Variants in PRUNE2 observed in about 807,000 individuals in gnomAD.
The protein encoded by PRUNE2 is prune homolog 2 with BCH domain.
In PRUNE2, 164 loss-of-function variants were observed where a neutral mutation model predicts 252.0. The observed-to-expected ratio is 0.65, with a 90% CI of 0.57 to 0.74. The LOEUF (loss-of-function observed/expected upper bound fraction) is 0.74, where lower values mean the gene tolerates loss of function less well. Ranked by LOEUF, PRUNE2 falls within the 30% of genes least tolerant of loss-of-function variation. PRUNE2 has a pLI of 0.00. For synonymous variants in PRUNE2, 1,292 were observed against 1,350.2 expected, an observed-to-expected ratio of 0.96 and a Z score of 0.94; for missense variants, 3,495 against 3,711.0, an observed-to-expected ratio of 0.94 and a Z score of 1.51.
intron 1 of PRUNE2, among the ~76,000 whole-genome samples, chr9:76,895,073 GA>G (rs765058510): frequency 6.7e-6 from 1 of 149,964 alleles, no homozygotes; most frequent in Admixed American, 6.7e-5. Context: ...TTAAGAGGGA[GA>G]AAAAAAAAGC....
In PRUNE2 at chr9:76,704,838, G is replaced by A; in HGVS notation, c.7436C>T (p.Ser2479Phe). 9 of 1,595,078 alleles carry A rather than the reference G, an allele frequency of 5.6e-6. No homozygotes were observed. Among genetic ancestry groups the A allele is most frequent in the Non-Finnish European group, 7.7e-6 (9 of 1,169,532 alleles). ...TACTTCCCAGTCAACGTTTGATGGA[G>A]ACAAAATGTTGGAGCCTGCTCCTAC... ...LPVGAGSNIL[S>F]PSNVDWEVET... The change falls in exon 8 of 19, where the codon TCT (serine) becomes TTT (phenylalanine). Residue 2479 changes from serine to phenylalanine, a missense_variant. By Grantham distance (155) the Ser-to-Phe change is radical (BLOSUM62 -2). Coordinates refer to ENST00000376718, the MANE Select transcript of PRUNE2 (RefSeq NM_015225.3).
intron 1 of PRUNE2, among the ~76,000 whole-genome samples, chr9:76,880,193 G>A (rs1375062564): frequency 6.0e-5 from 9 of 149,038 alleles, no homozygotes; most frequent in Admixed American, 3.3e-4. Flanking sequence ...GATTACAGGC[G>A]TGAGCCACCA....
intron 2 of PRUNE2, among the ~76,000 whole-genome samples, chr9:76,851,033 T>C (rs1485855469): frequency 6.6e-6 from 1 of 152,114 alleles, no homozygotes; most frequent in Non-Finnish European, 1.5e-5. Context: ...GGGGCTAAAA[T>C]GTAAATAAAT....
intron 11 of PRUNE2, among the ~76,000 whole-genome samples, chr9:76,648,696 A>G (rs1845950175): frequency 6.6e-6 from 1 of 152,188 alleles, no homozygotes; most frequent in Admixed American, 6.5e-5. Context: ...ATTAAGGCAG[A>G]AAAACGATTC....
At chr9:76,848,934 A>G (rs1263131375) in intron 3 of PRUNE2, among the ~76,000 whole-genome samples, 3 of 152,146 alleles carry the variant, frequency 2.0e-5, no homozygotes, top group Non-Finnish European at 2.9e-5. Flanking sequence ...TCGCTCTGTC[A>G]TCTAGGCTGG....
At chr9:76,842,083 C>G (rs1371893885) in intron 4 of PRUNE2, among the ~76,000 whole-genome samples, 2 of 152,198 alleles carry the variant, frequency 1.3e-5, no homozygotes, top group Non-Finnish European at 2.9e-5. Flanking sequence ...CGCTACCTGA[C>G]TTCAAACTAT....
At chr9:76,644,307 C>T (rs140394559) in intron 12 of PRUNE2, among the ~76,000 whole-genome samples, 166 of 152,168 alleles carry the variant, frequency 1.1e-3, no homozygotes, top group African/African-American at 3.8e-3. Flanking sequence ...AAAAAAAAAT[C>T]CCCAAAGCTT....
chr9:76,759,819 G>C (rs558736519), intron 6 of PRUNE2: 1 of 152,540 alleles, frequency 6.6e-6, no homozygotes, highest in South Asian at 2.1e-4. Flanking sequence ...TGCCCACTGG[G>C]GCTTTGGGAG....
At chr9:76,715,081 T>TA (rs1368586875) in intron 6 of PRUNE2, among the ~76,000 whole-genome samples, 2 of 152,218 alleles carry the variant, frequency 1.3e-5, no homozygotes, top group Non-Finnish European at 2.9e-5. Flanking sequence ...GGTAAGATAC[T>TA]AAAACAACAC....
At chr9:76,882,020 G>A (rs573487048) in intron 1 of PRUNE2, among the ~76,000 whole-genome samples, 1 of 152,154 alleles carries the variant, frequency 6.6e-6, no homozygotes, top group Admixed American at 6.5e-5. Flanking sequence ...CAGCAACATT[G>A]TACCATGTAT....
At chr9:76,684,517 C>T (rs2043856401) in intron 9 of PRUNE2, among the ~76,000 whole-genome samples, 1 of 152,186 alleles carries the variant, frequency 6.6e-6, no homozygotes, top group Non-Finnish European at 1.5e-5. Context: ...AAGTTAGCTA[C>T]CTCTTCGCAG....
chr9:76,838,917 C>T (rs1225613461), intron 4 of PRUNE2, among the ~76,000 whole-genome samples: 1 of 152,044 alleles, frequency 6.6e-6, no homozygotes, highest in Non-Finnish European at 1.5e-5. Context: ...ACATGTTTTG[C>T]ATTCTTTTTG....
At chr9:76,797,038 T>TACGCACACACACACAC (rs71309258) in intron 6 of PRUNE2, among the ~76,000 whole-genome samples, 2,417 of 151,742 alleles carry the variant, frequency 0.016, 73 homozygotes, top group African/African-American at 0.055. Context: ...CACTCACACA[T>TACGCACACACACACAC]ACACACACAC....
intron 5 of PRUNE2, 58 bp from the exon 6 acceptor site, chr9:76,823,784 A>G: frequency 1.0e-6 from 1 of 988,810 alleles, no homozygotes; most frequent in Non-Finnish European, 1.6e-6. Flanking sequence ...TTTTTTTGTA[A>G]TATCAAGCGA....
Position 76,894,064 on chromosome 9 carries a change from A to G in PRUNE2, c.36+11864T>C, listed in dbSNP as rs115554162. ...TGACCTATATACATTTCTTAAGACCATGCTTGCAATTTGCCCACCATCTAA... is the reference window on the plus strand; with the variant it reads ...TGACCTATATACATTTCTTAAGACCGTGCTTGCAATTTGCCCACCATCTAA... On this transcript the variant is annotated intron_variant, in intron 1 of 18. Transcript: ENST00000376718. 8.9e-3 allele frequency among the ~76,000 whole-genome samples: 1,354 copies of G among 152,292 alleles called. 17 individuals carry two copies. Among genetic ancestry groups the G allele is most frequent in the African/African-American group, 0.03 (1,232 of 41,546 alleles).
intron 1 of PRUNE2, among the ~76,000 whole-genome samples, chr9:76,882,257 T>G (rs1165318210): frequency 6.6e-6 from 1 of 152,116 alleles, no homozygotes; most frequent in Non-Finnish European, 1.5e-5. Context: ...ATGAGGCAAC[T>G]CCCCCAAATA....
intron 1 of PRUNE2, among the ~76,000 whole-genome samples, chr9:76,856,112 T>C (rs2060236484): frequency 6.6e-6 from 1 of 152,198 alleles, no homozygotes; most frequent in Non-Finnish European, 1.5e-5. Flanking sequence ...CCAAATCTTA[T>C]AAGGCAGACA....
At chr9:76,819,157 G>A (rs1238467897) in intron 6 of PRUNE2, among the ~76,000 whole-genome samples, 6 of 152,142 alleles carry the variant, frequency 3.9e-5, no homozygotes, top group Non-Finnish European at 8.8e-5. Flanking sequence ...GGATGAGGTG[G>A]GAGGATCCCT....
chr9:76,667,679 C>A (rs1259756100), intron 9 of PRUNE2, among the ~76,000 whole-genome samples: 2 of 152,214 alleles, frequency 1.3e-5, no homozygotes, highest in Admixed American at 1.3e-4. Flanking sequence ...ATAAGATATT[C>A]CTTCAACTGC....
Sources: gnomAD v4.1 joint callset for allele counts (sites outside exome capture counted in the v4.1 genomes callset) on GRCh38, gnomAD v4.1.1 for gene constraint, MANE v1.5 for transcripts, NCBI Gene and HGNC (gene_info 2026-07-23, HGNC 2026-07-21) for gene names.